The following ERC1 variants were observed in gnomAD, a reference collection of about 807,000 sequenced individuals.
ERC1 encodes ELKS/RAB6-interacting/CAST family member 1.
ERC1 carries 56 observed loss-of-function variants against 132.0 expected under a neutral mutation model. That is an observed-to-expected ratio of 0.42 (90% CI 0.34 to 0.53). ERC1 has a LOEUF of 0.53. Ranked by LOEUF, ERC1 falls within the 20% of genes least tolerant of loss-of-function variation. The pLI, the probability that ERC1 is intolerant of heterozygous loss-of-function variation, is 0.03. For missense variants in ERC1, 1,202 were observed against 1,349.9 expected (o/e 0.89, Z 1.72); for synonymous variants, 478 against 476.1 (o/e 1.00, Z -0.05).
rs761406293 is a variant in ERC1, at chr12:1,494,435, G to A, written c.*4205G>A. On this transcript the variant is annotated 3_prime_UTR_variant, in exon 19 of 19. Transcript: ENST00000360905. ...GGAAATCCTTCTGAACAAAATGGCT[G>A]TCTTCACCTACTCTTCTTGCAAGAA... The A allele has an allele frequency of 4.3e-6, 1 of 231,758 alleles. No homozygotes were observed. The highest frequency in any genetic ancestry group is 8.5e-6 in the Non-Finnish European group (1 of 117,298). 14.4% of individuals were successfully genotyped at this position (231,758 alleles called of 1,614,324 possible). A position where few individuals can be genotyped will look rare whatever the true frequency, so the allele number is the denominator to read the frequency against.
intron 12 of ERC1, among the ~76,000 whole-genome samples, chr12:1,221,829 TGAGA>T (rs749988911): frequency 5.9e-5 from 9 of 152,162 alleles, no homozygotes; most frequent in African/African-American, 9.6e-5. Context: ...GAAGGTAAAA[TGAGA>T]GAGAGTGTGT....
chr12:1,131,587 G>A (rs1434411615), intron 7 of ERC1, among the ~76,000 whole-genome samples: 3 of 151,762 alleles, frequency 2.0e-5, no homozygotes, highest in African/African-American at 7.3e-5. Context: ...TTAGCCTCCC[G>A]AGTAGCTGGG....
intron 18 of ERC1, among the ~76,000 whole-genome samples, chr12:1,472,353 C>T (rs2093879593): frequency 6.6e-6 from 1 of 152,078 alleles, no homozygotes; most frequent in Admixed American, 6.6e-5. Context: ...GATGACCTAA[C>T]ATTAAAAAAT....
At chr12:1,462,316 C>G (rs945454664) in intron 18 of ERC1, among the ~76,000 whole-genome samples, 4 of 152,122 alleles carry the variant, frequency 2.6e-5, no homozygotes, top group African/African-American at 9.7e-5. Flanking sequence ...TCCTGTAACC[C>G]AGGGATCCTA....
At chr12:1,222,636 C>G (rs557544226) in intron 12 of ERC1, among the ~76,000 whole-genome samples, 1 of 152,152 alleles carries the variant, frequency 6.6e-6, no homozygotes, top group Non-Finnish European at 1.5e-5. Flanking sequence ...TTAAGCTTCT[C>G]TTCTTGAGTG....
In ERC1 at chr12:1,180,314, T is replaced by C. The variant is rs543646957; in HGVS notation, c.1738-226T>C. 2.0e-3 allele frequency among the ~76,000 whole-genome samples: 281 copies of C among 137,542 alleles called. 1 individual carries two copies. The highest frequency in any genetic ancestry group is 6.8e-3 in the African/African-American group (273 of 40,388). 90.2% of individuals were successfully genotyped at this position (137,542 alleles called of 152,430 possible). On this transcript the variant is annotated intron_variant, in intron 8 of 18. Coordinates refer to ENST00000360905, the MANE Select transcript of ERC1 (RefSeq NM_178040.4). ...ACGCGTGTGCGCGCGCGCATACACATGTGTACTTTTTTTTGTTTTGCCTAC... is the reference window on the plus strand; with the variant it reads ...ACGCGTGTGCGCGCGCGCATACACACGTGTACTTTTTTTTGTTTTGCCTAC...
chr12:1,351,008 G>A (rs1162364147), intron 15 of ERC1, among the ~76,000 whole-genome samples: 4 of 152,154 alleles, frequency 2.6e-5, no homozygotes, highest in Admixed American at 6.5e-5. Flanking sequence ...CACAAGATCA[G>A]CACCAAGCCA....
chr12:1,409,455 A>G (rs2091713723), intron 17 of ERC1, among the ~76,000 whole-genome samples: 1 of 152,198 alleles, frequency 6.6e-6, no homozygotes. Flanking sequence ...GGTTGAAGGA[A>G]AAGCAAAACA....
chr12:1,110,932 G>A (rs1256544503), intron 5 of ERC1, among the ~76,000 whole-genome samples: 3 of 152,064 alleles, frequency 2.0e-5, no homozygotes, highest in Admixed American at 6.6e-5. Flanking sequence ...TTGAACTCCT[G>A]ACCTCAGGTG....
chr12:1,269,934 A>G (rs1384825548), intron 14 of ERC1, among the ~76,000 whole-genome samples: 1 of 152,218 alleles, frequency 6.6e-6, no homozygotes, highest in Non-Finnish European at 1.5e-5. Context: ...ACAATTCAGC[A>G]TATTGGTGTT....
chr12:1,313,362 G>A (rs1047880889), intron 15 of ERC1, among the ~76,000 whole-genome samples: 2 of 152,140 alleles, frequency 1.3e-5, no homozygotes, highest in African/African-American at 4.8e-5. Context: ...TCACGTTTTA[G>A]TTGGGCAGTG....
At chr12:1,207,782 G>A (rs1957478904) in intron 12 of ERC1, among the ~76,000 whole-genome samples, 1 of 152,138 alleles carries the variant, frequency 6.6e-6, no homozygotes, top group Admixed American at 6.5e-5. Context: ...CTGTAAATCA[G>A]CTGAAGATGG....
chr12:1,142,638 A>T (rs1370617528), intron 8 of ERC1, among the ~76,000 whole-genome samples: 1 of 152,198 alleles, frequency 6.6e-6, no homozygotes, highest in Non-Finnish European at 1.5e-5. Context: ...TTGTCTGCAG[A>T]GTGTGTTAAT....
intron 7 of ERC1, among the ~76,000 whole-genome samples, chr12:1,120,228 A>T (rs1250231582): frequency 6.6e-6 from 1 of 152,122 alleles, no homozygotes; most frequent in African/African-American, 2.4e-5. Flanking sequence ...TCCTGGCTTC[A>T]AGCAGTCCTC....
intron 16 of ERC1, among the ~76,000 whole-genome samples, chr12:1,397,312 G>T (rs1405253971): frequency 6.6e-6 from 1 of 152,096 alleles, no homozygotes; most frequent in Non-Finnish European, 1.5e-5. Flanking sequence ...TCTAGAAATT[G>T]GTCCCACAGA....
chr12:1,256,130 T>C (rs2076796536), intron 13 of ERC1, among the ~76,000 whole-genome samples: 1 of 152,176 alleles, frequency 6.6e-6, no homozygotes, highest in Non-Finnish European at 1.5e-5. Flanking sequence ...TCTTTGTAGA[T>C]TCTGGATATT....
chr12:1,205,994 T>TA (rs1182414436), intron 12 of ERC1, among the ~76,000 whole-genome samples: 1 of 152,152 alleles, frequency 6.6e-6, no homozygotes, highest in Non-Finnish European at 1.5e-5. Context: ...CAGGTTATAT[T>TA]AATTGTAATA....
intron 14 of ERC1, among the ~76,000 whole-genome samples, chr12:1,279,424 T>A (rs1283099881): frequency 2.0e-5 from 3 of 152,024 alleles, no homozygotes; most frequent in Non-Finnish European, 4.4e-5. Context: ...CTCCAGAAAA[T>A]TTTTTTGACA....
chr12:1,408,854 A>G (rs572938786), intron 17 of ERC1, among the ~76,000 whole-genome samples: 4 of 152,336 alleles, frequency 2.6e-5, no homozygotes, highest in East Asian at 1.9e-4. Flanking sequence ...GTTTCTTGGA[A>G]GAAGGGAACT....
Sources: gnomAD v4.1 joint callset for allele counts (sites outside exome capture counted in the v4.1 genomes callset) on GRCh38, gnomAD v4.1.1 for gene constraint, MANE v1.5 for transcripts, NCBI Gene and HGNC (gene_info 2026-07-23, HGNC 2026-07-21) for gene names.